PTK2: variants seen among roughly 807,000 people sequenced by gnomAD.
PTK2 encodes protein tyrosine kinase 2, also known as focal adhesion kinase 1.
Under a neutral mutation model 150.1 loss-of-function variants are expected in PTK2, and 45 were observed. The observed-to-expected ratio is 0.30, with a 90% CI of 0.24 to 0.38. PTK2 has a LOEUF of 0.38. Among genes scored for constraint, PTK2 ranks in the 10% least tolerant of loss-of-function variants. The probability of loss-of-function intolerance (pLI) is 1.00; values close to 1 mark genes in which losing one functional copy is unlikely to be tolerated. For missense variants in PTK2, 919 were observed against 1,307.3 expected, an observed-to-expected ratio of 0.70 and a Z score of 4.58; for synonymous variants, 432 against 449.2, an observed-to-expected ratio of 0.96 and a Z score of 0.48.
intron 4 of PTK2, among the ~76,000 whole-genome samples, chr8:140,866,674 A>G (rs554350715): frequency 6.6e-6 from 1 of 152,374 alleles, no homozygotes; most frequent in South Asian, 2.1e-4. Flanking sequence ...TGATAACTCG[A>G]TAACTGTTTA....
chr8:140,735,507 C>T, intron 21 of PTK2, 52 bp from the exon 25 acceptor site: 7 of 1,568,492 alleles, frequency 4.5e-6, no homozygotes, highest in Non-Finnish European at 6.1e-6. Context: ...AAGAATGTAA[C>T]TCCCAGGTTC....
intron 16 of PTK2, among the ~76,000 whole-genome samples, chr8:140,758,369 T>C (rs1403443127): frequency 6.6e-6 from 1 of 152,192 alleles, no homozygotes; most frequent in Admixed American, 6.5e-5. Context: ...ATTACAGTCA[T>C]AAGCCACAGC....
chr8:140,931,694 G>A (rs1341850084), intron 1 of PTK2, among the ~76,000 whole-genome samples: 2 of 151,914 alleles, frequency 1.3e-5, no homozygotes, highest in Non-Finnish European at 2.9e-5. Flanking sequence ...CAGCACTTTG[G>A]GAGGCCAAGG....
At chr8:140,974,980 T>C (rs933898414) in intron 1 of PTK2, among the ~76,000 whole-genome samples, 4 of 152,356 alleles carry the variant, frequency 2.6e-5, no homozygotes, top group Non-Finnish European at 5.9e-5. Context: ...CCATTTCACT[T>C]ACTTAGTCAC....
chr8:140,974,226 G>A (rs2100188442), intron 1 of PTK2, among the ~76,000 whole-genome samples: 1 of 152,000 alleles, frequency 6.6e-6, no homozygotes, highest in African/African-American at 2.4e-5. Flanking sequence ...CTCAACTAAG[G>A]GCTCATCATG....
chr8:140,746,085 A>G (rs1322786873), intron 18 of PTK2, among the ~76,000 whole-genome samples: 1 of 152,182 alleles, frequency 6.6e-6, no homozygotes, highest in African/African-American at 2.4e-5. Context: ...TAATCAGAAC[A>G]CTTTGCGAGG....
In PTK2 at chr8:140,773,144, A is replaced by AT. The variant is rs766184892; in HGVS notation, c.1178-8855dup. ...TTCTTTATACTAACTTAAAAAGTGA[A>AT]TTTTTTAAAAAAGTACAACTCTTTT... On this transcript the variant is annotated intron_variant, in intron 14 of 31. Transcript: ENST00000522684. Among the ~76,000 whole-genome samples, 36 of 152,198 alleles carry AT rather than the reference A, an allele frequency of 2.4e-4. 1 individual carries two copies. The highest frequency in any genetic ancestry group is 1.0e-3 in the South Asian group (5 of 4,832).
At chr8:140,732,522 T>C (rs1206368587) in intron 22 of PTK2, 2 of 524,414 alleles carry the variant, frequency 3.8e-6, no homozygotes, top group South Asian at 1.4e-5. Flanking sequence ...TCTTCCTGTA[T>C]CTAGCTAGCT....
intron 1 of PTK2, among the ~76,000 whole-genome samples, chr8:140,987,802 G>A (rs113561485): frequency 1.3e-5 from 2 of 152,198 alleles, no homozygotes; most frequent in Admixed American, 6.5e-5. Flanking sequence ...CAGCACTTTG[G>A]AATGCCAAGA....
intron 8 of PTK2, among the ~76,000 whole-genome samples, chr8:140,827,999 T>G (rs2100112877): frequency 6.6e-6 from 1 of 151,942 alleles, no homozygotes; most frequent in Non-Finnish European, 1.5e-5. Flanking sequence ...AAACCCCATC[T>G]CTACTAAAAA....
chr8:140,829,954 G>C (rs996298378), intron 8 of PTK2, among the ~76,000 whole-genome samples: 3 of 152,118 alleles, frequency 2.0e-5, no homozygotes, highest in African/African-American at 7.2e-5. Context: ...CTCACTCCAA[G>C]GTGCTCTCCA....
intron 23 of PTK2, among the ~76,000 whole-genome samples, chr8:140,708,784 C>T (rs1013696307): frequency 2.0e-5 from 3 of 152,016 alleles, no homozygotes; most frequent in African/African-American, 7.3e-5. Context: ...AAAAAGAGTT[C>T]GGCTACCTTG....
chr8:140,687,710 C>CTT (rs961451817), intron 26 of PTK2, among the ~76,000 whole-genome samples: 1 of 152,166 alleles, frequency 6.6e-6, no homozygotes, highest in Non-Finnish European at 1.5e-5. Context: ...TCCTACTAGG[C>CTT]TTTTTGTCTC....
chr8:140,996,968 T>C (rs536013486), intron 1 of PTK2, among the ~76,000 whole-genome samples: 5 of 152,284 alleles, frequency 3.3e-5, no homozygotes, highest in South Asian at 2.1e-4. Flanking sequence ...GCTAAGTACA[T>C]AGAAAACATG....
intron 7 of PTK2, among the ~76,000 whole-genome samples, chr8:140,834,690 C>T (rs982822974): frequency 6.6e-6 from 1 of 152,164 alleles, no homozygotes; most frequent in African/African-American, 2.4e-5. Context: ...CAACTAACTA[C>T]AACACAGTGT....
intron 17 of PTK2, chr8:140,751,793 G>A (rs1402289332): frequency 2.5e-6 from 1 of 397,776 alleles, no homozygotes; most frequent in Admixed American, 3.1e-5. Context: ...TGCCCAGCCT[G>A]GGTGATTTGT....
At chr8:140,920,753 C>A in intron 2 of PTK2, 1 of 1,319,034 alleles carries the variant, frequency 7.6e-7, no homozygotes, top group Non-Finnish European at 9.8e-7. Flanking sequence ...CATTTATCTA[C>A]CTTTTCGGTG....
intron 1 of PTK2, among the ~76,000 whole-genome samples, chr8:140,945,613 A>G (rs2100177428): frequency 6.6e-6 from 1 of 152,164 alleles, no homozygotes; most frequent in African/African-American, 2.4e-5. Flanking sequence ...AAAACAAAAA[A>G]TATATCAATG....
intron 1 of PTK2, among the ~76,000 whole-genome samples, chr8:140,997,495 T>C (rs979145903): frequency 6.6e-6 from 1 of 152,230 alleles, no homozygotes; most frequent in Non-Finnish European, 1.5e-5. Flanking sequence ...AACCTAATTG[T>C]TGTCTTATTT....
Sources: gnomAD v4.1 joint callset for allele counts (sites outside exome capture counted in the v4.1 genomes callset) on GRCh38, gnomAD v4.1.1 for gene constraint, MANE v1.5 for transcripts, NCBI Gene and HGNC (gene_info 2026-07-23, HGNC 2026-07-21) for gene names.